The following IL1RAPL2 variants were observed in gnomAD, a reference collection of about 807,000 sequenced individuals.
IL1RAPL2 encodes the protein interleukin 1 receptor accessory protein like 2.
Under a neutral mutation model 44.1 loss-of-function variants are expected in IL1RAPL2, and 3 were observed. The observed-to-expected ratio is 0.07, with a 90% CI of 0.03 to 0.18. IL1RAPL2 has a LOEUF of 0.18. Ranked by LOEUF, IL1RAPL2 falls within the 10% of genes least tolerant of loss-of-function variation. IL1RAPL2 has a pLI of 1.00. For missense variants in IL1RAPL2, 391 were observed against 496.4 expected (o/e 0.79, Z 2.02); for synonymous variants, 181 against 178.8 (o/e 1.01, Z -0.10).
intron 2 of IL1RAPL2, among the ~76,000 whole-genome samples, chrX:104,765,176 T>C (rs1319187812): frequency 8.9e-6 from 1 of 111,754 alleles, no homozygotes; most frequent in African/African-American, 3.3e-5. Context: ...CATCAGGTCC[T>C]GAGCTTTTTT....
chrX:105,755,461 C>T (rs1274832063), intron 10 of IL1RAPL2, 114 bp downstream of exon 10: 10 of 530,904 alleles, frequency 1.9e-5, no homozygotes, highest in Non-Finnish European at 2.3e-5. Context: ...AGTAGAGTTT[C>T]TTAAATCCAA....
At chrX:105,635,555 A>C (rs1213656899) in intron 6 of IL1RAPL2, among the ~76,000 whole-genome samples, 1 of 111,632 alleles carries the variant, frequency 9.0e-6, no homozygotes, top group African/African-American at 3.3e-5. Context: ...GTTATTGATC[A>C]CTTTCTATGC....
intron 5 of IL1RAPL2, among the ~76,000 whole-genome samples, chrX:105,346,622 T>G (rs919058139): frequency 2.4e-4 from 27 of 111,876 alleles, no homozygotes; most frequent in Admixed American, 4.8e-4. Context: ...AAGAAGGCTG[T>G]AAGGCCTTTG....
intron 2 of IL1RAPL2, among the ~76,000 whole-genome samples, chrX:104,915,709 GT>G (rs1924401266): frequency 9.0e-6 from 1 of 111,438 alleles, no homozygotes; most frequent in African/African-American, 3.3e-5. Context: ...TAGGTCTCAC[GT>G]TTAAGTGTTT....
intron 6 of IL1RAPL2, among the ~76,000 whole-genome samples, chrX:105,633,004 CA>C (rs1374371640): frequency 1.8e-5 from 2 of 111,740 alleles, no homozygotes; most frequent in African/African-American, 6.5e-5. Context: ...ACCGTCAACA[CA>C]TTAATTCATT....
At chrX:105,281,591 A>G (rs1432582646) in intron 5 of IL1RAPL2, among the ~76,000 whole-genome samples, 1 of 111,570 alleles carries the variant, frequency 9.0e-6, no homozygotes, top group Non-Finnish European at 1.9e-5. Flanking sequence ...TTCTATGTTT[A>G]GTTATATTTA....
At chrX:105,296,567 TTCTG>T (rs1426700229) in intron 5 of IL1RAPL2, among the ~76,000 whole-genome samples, 4 of 112,346 alleles carry the variant, frequency 3.6e-5, no homozygotes, top group Admixed American at 9.4e-5. Flanking sequence ...CATGACACAG[TTCTG>T]TCTTTTTCTT....
In IL1RAPL2 at chrX:105,640,797, TAGAG is replaced by T. The variant is rs1156976472; in HGVS notation, c.773-76562_773-76559del. 4.7e-5 allele frequency among the ~76,000 whole-genome samples: 4 copies of T among 85,010 alleles called. No individual in the cohort carries two copies. The East Asian group carries it at 1.1e-3, about 22-fold the overall frequency. The allele number at this position is 85,010 out of a possible 115,157, so 73.8% of individuals were successfully genotyped here. On this transcript the variant is annotated intron_variant, in intron 6 of 10. Coordinates refer to ENST00000372582, the MANE Select transcript of IL1RAPL2 (RefSeq NM_017416.2). ...ATATAGATATAGATATAGATATAGA[TAGAG>T]AGAGAGACCGAGAGAGAGTGCCAAA...
At chrX:104,753,812 T>G (rs1932302541) in intron 2 of IL1RAPL2, among the ~76,000 whole-genome samples, 1 of 111,773 alleles carries the variant, frequency 8.9e-6, no homozygotes, top group Non-Finnish European at 1.9e-5. Flanking sequence ...AGCTGCAGGA[T>G]ATTGAAATAT....
chrX:105,197,357 ATC>A (rs782124472), intron 3 of IL1RAPL2, among the ~76,000 whole-genome samples: 6 of 111,705 alleles, frequency 5.4e-5, no homozygotes, highest in African/African-American at 1.6e-4. Flanking sequence ...AATCAAAATT[ATC>A]TCTCTTCTCC....
chrX:105,096,208 A>T (rs2147557413), intron 2 of IL1RAPL2, among the ~76,000 whole-genome samples: 1 of 111,915 alleles, frequency 8.9e-6, no homozygotes, highest in East Asian at 2.8e-4. Context: ...ATGTGGAGAA[A>T]CTGGGACCCT....
chrX:104,903,303 T>A (rs780557470), intron 2 of IL1RAPL2, among the ~76,000 whole-genome samples: 3 of 112,089 alleles, frequency 2.7e-5, no homozygotes, highest in Non-Finnish European at 5.6e-5. Context: ...GTTGGTCAGA[T>A]ATTATTCTCT....
At chrX:105,447,200 TATATATAAATATATATAAA>T (rs1346135232) in intron 5 of IL1RAPL2, among the ~76,000 whole-genome samples, 2 of 26,664 alleles carry the variant, frequency 7.5e-5, no homozygotes, top group African/African-American at 2.3e-4. Context: ...TATATATAAA[TATATATAAATATATATAAA>T]ATATATATAA....
At chrX:104,914,505 T>C (rs1340269057) in intron 2 of IL1RAPL2, among the ~76,000 whole-genome samples, 1 of 112,025 alleles carries the variant, frequency 8.9e-6, no homozygotes, top group Non-Finnish European at 1.9e-5. Flanking sequence ...TCTGGAAAGA[T>C]ATTCTTCTAT....
At chrX:105,307,060 G>A (rs1191798437) in intron 5 of IL1RAPL2, among the ~76,000 whole-genome samples, 1 of 108,755 alleles carries the variant, frequency 9.2e-6, no homozygotes, top group Non-Finnish European at 1.9e-5. Flanking sequence ...GTGAGTGTAA[G>A]TGTGCAGAAA....
intron 6 of IL1RAPL2, among the ~76,000 whole-genome samples, chrX:105,574,902 G>A (rs1200756880): frequency 2.7e-5 from 3 of 111,473 alleles, no homozygotes; most frequent in Non-Finnish European, 5.7e-5. Flanking sequence ...ATGCTAATGG[G>A]TACAATTTAT....
chrX:105,519,364 G>A (rs200781632), intron 6 of IL1RAPL2, among the ~76,000 whole-genome samples: 4 of 111,575 alleles, frequency 3.6e-5, no homozygotes, highest in East Asian at 5.7e-4. Flanking sequence ...CCACCTCCTC[G>A]AAGCTTTGAC....
intron 2 of IL1RAPL2, among the ~76,000 whole-genome samples, chrX:105,144,454 C>T (rs1160603330): frequency 9.0e-6 from 1 of 111,143 alleles, no homozygotes; most frequent in Non-Finnish European, 1.9e-5. Flanking sequence ...AGATGTAAGT[C>T]TTCTGCTTAA....
chrX:104,723,430 A>C (rs760608112), intron 2 of IL1RAPL2, among the ~76,000 whole-genome samples: 1 of 110,636 alleles, frequency 9.0e-6, no homozygotes, highest in Admixed American at 9.7e-5. Flanking sequence ...CCAACTTGCC[A>C]GAAAAAAAGA....
Sources: allele counts gnomAD v4.1 joint callset (sites outside exome capture counted in the v4.1 genomes callset), GRCh38; gene constraint gnomAD v4.1.1; transcripts MANE v1.5; gene names NCBI Gene and HGNC (gene_info 2026-07-23, HGNC 2026-07-21).